ABCC11: variants seen among roughly 807,000 people sequenced by gnomAD.
ABCC11 encodes the protein ATP binding cassette subfamily C member 11.
ABCC11 carries 135 observed loss-of-function variants against 149.3 expected under a neutral mutation model. The observed-to-expected ratio is 0.90, with a 90% CI of 0.79 to 1.04. The LOEUF is 1.04. Among genes scored for constraint, ABCC11 ranks in the 50% least tolerant of loss-of-function variants. The probability of loss-of-function intolerance (pLI) is 0.00; values close to 1 mark genes in which losing one functional copy is unlikely to be tolerated. For synonymous variants in ABCC11, 665 were observed against 671.4 expected (o/e 0.99, Z 0.15); for missense variants, 1,680 against 1,722.1 (o/e 0.98, Z 0.43).
At chr16:48,200,142 C>T (rs1229348270) in intron 15 of ABCC11, 134 bp downstream of exon 15, 2 of 901,568 alleles carry the variant, frequency 2.2e-6, no homozygotes, top group Admixed American at 2.9e-5. Context: ...CAGCCCTCCC[C>T]AAATGTGGAG....
At chr16:48,238,953 A>AC (rs1457505332) in intron 1 of ABCC11, among the ~76,000 whole-genome samples, 2 of 151,060 alleles carry the variant, frequency 1.3e-5, no homozygotes, top group African/African-American at 4.9e-5. Flanking sequence ...AAAAAAAAAA[A>AC]AAAAAACCAT....
chr16:48,172,346 G>C (rs934286407), intron 26 of ABCC11, among the ~76,000 whole-genome samples: 3 of 152,074 alleles, frequency 2.0e-5, no homozygotes, highest in Admixed American at 6.5e-5. Flanking sequence ...TACACATATG[G>C]GTTGAAGTCT....
intron 4 of ABCC11, 102 bp downstream of exon 4, chr16:48,227,704 T>C (rs1303811697): frequency 1.7e-5 from 26 of 1,502,342 alleles, no homozygotes; most frequent in African/African-American, 2.8e-5. Context: ...AGCCAAGTCG[T>C]CTGGCATGGC....
intron 1 of ABCC11, 22 bp from the exon 2 acceptor site, chr16:48,231,961 A>C: frequency 6.2e-7 from 1 of 1,613,242 alleles, no homozygotes; most frequent in Non-Finnish European, 8.5e-7. Context: ...AGAATCAGAG[A>C]ATATGAAAAG....
chr16:48,234,174 A>G lies in ABCC11; in HGVS notation c.-18-2235T>C, dbSNP rs56379814. 5.5e-3 allele frequency among the ~76,000 whole-genome samples: 845 copies of G among 152,374 alleles called. 6 individuals are homozygous for G. The highest frequency in any genetic ancestry group is 0.019 in the African/African-American group (794 of 41,586). On this transcript the variant is annotated intron_variant, in intron 1 of 29. Coordinates refer to ENST00000356608, the MANE Select transcript of ABCC11 (RefSeq NM_001370497.1). The stretch of plus-strand genomic sequence containing the variant: ...CGATTTCGTGATGTGATACCAACAT[A>G]ACTCCACTGAATGCAGAGCTGGGAA...
chr16:48,170,718 A>G (rs751365557), intron 27 of ABCC11, among the ~76,000 whole-genome samples, 171 bp downstream of exon 27: 13 of 152,154 alleles, frequency 8.5e-5, no homozygotes, highest in Non-Finnish European at 1.8e-4. Flanking sequence ...TTGGTGTCTG[A>G]GTGCCATCAG....
intron 10 of ABCC11, 76 bp downstream of exon 10, chr16:48,213,367 T>C: frequency 2.2e-6 from 3 of 1,341,128 alleles, no homozygotes; most frequent in Non-Finnish European, 3.2e-6. Flanking sequence ...GGACGTGTTC[T>C]GGAGGAACAT....
At chr16:48,202,616 C>CA (rs1348026435) in intron 14 of ABCC11, among the ~76,000 whole-genome samples, 4,699 of 120,266 alleles carry the variant, frequency 0.039, 90 homozygotes, top group Non-Finnish European at 0.048. Context: ...GACTCCCCTT[C>CA]AAAAAAAAAA....
chr16:48,198,300 C>T (rs771692810), intron 15 of ABCC11, 25 bp from the exon 16 acceptor site: 18 of 1,606,886 alleles, frequency 1.1e-5, no homozygotes, highest in Non-Finnish European at 1.5e-5. Flanking sequence ...GAAAGAAAGG[C>T]TTCAGTAAGC....
intron 13 of ABCC11, among the ~76,000 whole-genome samples, chr16:48,204,591 A>G (rs774670972): frequency 7.2e-5 from 11 of 152,168 alleles, no homozygotes; most frequent in Admixed American, 1.3e-4. Flanking sequence ...AGCCAGGGGT[A>G]TGGGGCTGGG....
chr16:48,181,789 T>C (rs1966453071), intron 23 of ABCC11, among the ~76,000 whole-genome samples: 1 of 152,138 alleles, frequency 6.6e-6, no homozygotes, highest in African/African-American at 2.4e-5. Flanking sequence ...TTTTTTGTAT[T>C]TTTTTAGTAG....
intron 6 of ABCC11, among the ~76,000 whole-genome samples, chr16:48,220,276 A>G (rs1969647784): frequency 6.6e-6 from 1 of 152,224 alleles, no homozygotes; most frequent in African/African-American, 2.4e-5. Context: ...GCACTTAGCA[A>G]TCACATGACC....
At position 48,213,430 on chromosome 16, in the gene ABCC11, C is replaced by A; in HGVS notation, c.1356+13G>T. Reference sequence around the variant, plus strand: ...CAAGCAGGGGGCCTACAGCCAGTCCCCTGATGACCTACCTTGAACCTCATC... The same window carrying A: ...CAAGCAGGGGGCCTACAGCCAGTCCACTGATGACCTACCTTGAACCTCATC... On this transcript the variant is annotated intron_variant, in intron 10 of 29. Coordinates refer to ENST00000356608, the MANE Select transcript of ABCC11 (RefSeq NM_001370497.1). The A allele has an allele frequency of 6.2e-7, 1 of 1,606,890 alleles. No homozygotes were observed.
At chr16:48,210,845 G>C (rs183808754) in intron 11 of ABCC11, 103 bp downstream of exon 11, 30 of 1,457,480 alleles carry the variant, frequency 2.1e-5, no homozygotes, top group Non-Finnish European at 9.2e-7. Context: ...CTTGGAGAGG[G>C]CAGTTTTTAA....
intron 2 of ABCC11, among the ~76,000 whole-genome samples, 162 bp downstream of exon 2, chr16:48,231,660 CA>C (rs57185310): frequency 0.015 from 1,138 of 78,006 alleles, 2 homozygotes; most frequent in African/African-American, 0.029. Context: ...GACCCTGAGT[CA>C]AAAAAAAAAA....
intron 3 of ABCC11, among the ~76,000 whole-genome samples, chr16:48,229,198 G>A (rs1201813965): frequency 1.3e-5 from 2 of 152,062 alleles, no homozygotes; most frequent in Non-Finnish European, 2.9e-5. Context: ...CAAGACCTAT[G>A]AGCCAGTGCT....
chr16:48,247,197 G>A (rs555033308), intron 1 of ABCC11, 117 bp downstream of exon 1: 47 of 151,608 alleles, frequency 3.1e-4, no homozygotes, highest in Non-Finnish European at 6.2e-4. Context: ...TCTCTAATAG[G>A]GCCTTTAAAA....
In ABCC11 at chr16:48,184,744, C is replaced by A. The variant is rs533676525; in HGVS notation, c.3072-118G>T. On this transcript the variant is annotated intron_variant, in intron 22 of 29. Transcript: ENST00000356608. ...CAGTTCCCCACTCCCAGCAGCAGGG[C>A]CTGATTTTTCTTTGGGGAGTTCCTC... 9 of 1,060,090 alleles carry A rather than the reference C, an allele frequency of 8.5e-6. No individual in the cohort carries two copies. In the South Asian group the frequency reaches 1.5e-4, roughly 18 times the overall value. 65.7% of individuals were successfully genotyped at this position (1,060,090 alleles called of 1,614,324 possible).
rs1465198646 is a variant in ABCC11, at chr16:48,216,161, T to C, written c.904A>G (p.Thr302Ala). 2 of 1,614,018 alleles carry C rather than the reference T, an allele frequency of 1.2e-6. No individual in the cohort carries two copies. The highest frequency in any genetic ancestry group is 2.7e-5 in the African/African-American group (2 of 74,914). Residue 302 changes from threonine (T) to alanine (A), a missense_variant, in exon 7 of 30, where the codon ACT becomes GCT. Thr to Ala is a moderately conservative substitution (Grantham distance 58). Transcript: ENST00000356608. ...TAGCATAAGATGGCAATAAATGCAG[T>C]GTATCCAATAATGAAGTAGGAAGAA... is the stretch of plus-strand genomic sequence containing the variant. ...SISSYFIIGY[T>A]AFIAILCYLL...
Sources: allele counts gnomAD v4.1 joint callset (sites outside exome capture counted in the v4.1 genomes callset), GRCh38; gene constraint gnomAD v4.1.1; transcripts MANE v1.5; gene names NCBI Gene and HGNC (gene_info 2026-07-23, HGNC 2026-07-21).